The following RAB7B variants were observed in gnomAD, a reference collection of about 807,000 sequenced individuals.
RAB7B encodes the protein ras-related protein Rab-7b.
intron 1 of RAB7B, among the ~76,000 whole-genome samples, chr1:205,995,473 C>T (rs1010650572): frequency 1.1e-3 from 174 of 152,218 alleles, no homozygotes; most frequent in African/African-American, 4.1e-3. Context: ...TTCACAGTAG[C>T]CAAGATATGG....
At chr1:205,997,838 C>A (rs1406514801) in intron 1 of RAB7B, among the ~76,000 whole-genome samples, 2 of 152,154 alleles carry the variant, frequency 1.3e-5, no homozygotes, top group African/African-American at 2.4e-5. Flanking sequence ...CAACACAATG[C>A]CTTAGAAAGA....
In RAB7B at chr1:205,985,784, C is replaced by T. The variant is rs1331488267; in HGVS notation, c.397-119G>A. 71 of 322,412 alleles carry T rather than the reference C, an allele frequency of 2.2e-4. 6 individuals are homozygous for T. The highest frequency in any genetic ancestry group is 1.9e-3 in the African/African-American group (64 of 33,240). 20.0% of individuals were successfully genotyped at this position (322,412 alleles called of 1,614,324 possible). A position where few individuals can be genotyped will look rare whatever the true frequency, so the allele number is the denominator to read the frequency against. On this transcript the variant is annotated intron_variant, in intron 4 of 5. Coordinates refer to ENST00000617070, the MANE Select transcript of RAB7B (RefSeq NM_001164522.3). ...ACCATCCCCACCATCCCCATCATCCCCACCAGGCCCACCATCCCCACCAGG... is the reference window on the plus strand; with the variant it reads ...ACCATCCCCACCATCCCCATCATCCTCACCAGGCCCACCATCCCCACCAGG...
At chr1:206,000,836 T>A (rs1373051454) in intron 1 of RAB7B, among the ~76,000 whole-genome samples, 1 of 152,180 alleles carries the variant, frequency 6.6e-6, no homozygotes, top group Non-Finnish European at 1.5e-5. Context: ...GCTTGAGTCA[T>A]CTCTTCCACA....
chr1:205,980,305 G>T (rs1419439191), intron 5 of RAB7B, among the ~76,000 whole-genome samples: 1 of 152,236 alleles, frequency 6.6e-6, no homozygotes, highest in African/African-American at 2.4e-5. Flanking sequence ...TTTCATGCTA[G>T]TGTTGCCCTA....
intron 5 of RAB7B, among the ~76,000 whole-genome samples, chr1:205,980,691 G>A (rs1184441350): frequency 1.3e-5 from 2 of 152,212 alleles, no homozygotes; most frequent in African/African-American, 4.8e-5. Flanking sequence ...TCCACTGGAT[G>A]TGGTGATTCT....
chr1:205,997,017 A>G (rs1333665713), intron 1 of RAB7B, among the ~76,000 whole-genome samples: 1 of 152,226 alleles, frequency 6.6e-6, no homozygotes, highest in African/African-American at 2.4e-5. Context: ...GGGTGGGGAC[A>G]CAGCCAAACC....
At chr1:206,002,431 A>G (rs1387025510) in intron 1 of RAB7B, among the ~76,000 whole-genome samples, 1 of 152,184 alleles carries the variant, frequency 6.6e-6, no homozygotes, top group African/African-American at 2.4e-5. Context: ...CTGGGATTCT[A>G]GAGGTTTCCA....
At chr1:205,985,126 T>C (rs908754985) in intron 5 of RAB7B, among the ~76,000 whole-genome samples, 86 of 152,300 alleles carry the variant, frequency 5.6e-4, no homozygotes, top group African/African-American at 1.8e-3. Context: ...ATCTTTTTGA[T>C]TGGGAGATGT....
At chr1:206,001,613 G>C (rs1396752279) in intron 1 of RAB7B, among the ~76,000 whole-genome samples, 2 of 152,158 alleles carry the variant, frequency 1.3e-5, no homozygotes, top group Non-Finnish European at 2.9e-5. Flanking sequence ...GTGAAAAGCA[G>C]GATTGAAATG....
chr1:205,993,689 G>A (rs1660763395), intron 2 of RAB7B, 143 bp from the exon 3 acceptor site: 1 of 396,118 alleles, frequency 2.5e-6, no homozygotes. Context: ...GTGGTCCATG[G>A]ACCACACTTT....
At chr1:205,999,750 G>C (rs1182863239) in intron 1 of RAB7B, among the ~76,000 whole-genome samples, 2 of 152,110 alleles carry the variant, frequency 1.3e-5, no homozygotes, top group African/African-American at 4.8e-5. Flanking sequence ...GGAACAATTA[G>C]CTGTTTTATT....
At chr1:206,001,144 G>C (rs886757117) in intron 1 of RAB7B, among the ~76,000 whole-genome samples, 2 of 152,134 alleles carry the variant, frequency 1.3e-5, no homozygotes, top group Non-Finnish European at 2.9e-5. Context: ...GAGTGACTGG[G>C]ACCAGGTCCG....
At chr1:205,993,958 G>T (rs1285274797) in intron 2 of RAB7B, 125 bp downstream of exon 2, 2 of 396,914 alleles carry the variant, frequency 5.0e-6, no homozygotes, top group African/African-American at 2.1e-5. Flanking sequence ...TCTGGGGATG[G>T]GATACAGTTG....
chr1:205,980,822 C>T (rs1660478550), intron 5 of RAB7B, among the ~76,000 whole-genome samples: 1 of 134,560 alleles, frequency 7.4e-6, no homozygotes, highest in Non-Finnish European at 1.6e-5. Flanking sequence ...CCTCCCCCTC[C>T]CTCCCCTTCC....
chr1:205,990,856 C>T (rs954046690), intron 4 of RAB7B, among the ~76,000 whole-genome samples: 3 of 144,404 alleles, frequency 2.1e-5, no homozygotes, highest in South Asian at 2.1e-4. Flanking sequence ...GGTGCGATCG[C>T]GGCTCACTGC....
intron 5 of RAB7B, chr1:205,983,657 C>G (rs1408412768): frequency 6.6e-6 from 1 of 152,172 alleles, no homozygotes; most frequent in African/African-American, 2.4e-5. Flanking sequence ...GGATTCAAAT[C>G]CAGGCCAGTC....
At chr1:205,979,510 CT>C (rs1378620478) in intron 5 of RAB7B, among the ~76,000 whole-genome samples, 17 of 152,198 alleles carry the variant, frequency 1.1e-4, no homozygotes, top group Non-Finnish European at 2.5e-4. Flanking sequence ...AAGCTTCTGC[CT>C]TTCCAGCTGG....
At chr1:206,002,783 A>G in intron 1 of RAB7B, among the ~76,000 whole-genome samples, 1 of 152,206 alleles carries the variant, frequency 6.6e-6, no homozygotes, top group East Asian at 1.9e-4. Flanking sequence ...ATGATTTAGA[A>G]CAGGAGTGAT....
intron 3 of RAB7B, among the ~76,000 whole-genome samples, chr1:205,992,993 G>A (rs1038849072): frequency 6.6e-6 from 1 of 152,180 alleles, no homozygotes; most frequent in African/African-American, 2.4e-5. Context: ...CTTGGACCTC[G>A]GGAATGTCTT....
Sources: gnomAD v4.1 joint callset for allele counts (sites outside exome capture counted in the v4.1 genomes callset) on GRCh38, gnomAD v4.1.1 for gene constraint, MANE v1.5 for transcripts, NCBI Gene and HGNC (gene_info 2026-07-23, HGNC 2026-07-21) for gene names.